The following PTGER4 variants were observed in gnomAD, a reference collection of about 807,000 sequenced individuals.
PTGER4 encodes the protein prostaglandin E receptor 4.
PTGER4 carries 11 observed loss-of-function variants against 33.2 expected under a neutral mutation model. The observed-to-expected ratio is 0.33, with a 90% confidence interval of 0.21 to 0.55. PTGER4 has a LOEUF of 0.55. Among genes scored for constraint, PTGER4 ranks in the 20% least tolerant of loss-of-function variants. The probability of loss-of-function intolerance (pLI) is 0.92; values close to 1 mark genes in which losing one functional copy is unlikely to be tolerated. For missense variants in PTGER4, 481 were observed against 650.2 expected, an observed-to-expected ratio of 0.74 and a Z score of 2.83; for synonymous variants, 275 against 281.5, an observed-to-expected ratio of 0.98 and a Z score of 0.23.
chr5:40,745,851 TG>T, the PTGER4 span, among the ~76,000 whole-genome samples: 2 of 151,966 alleles, frequency 1.3e-5, no homozygotes, highest in Admixed American at 1.3e-4. Context: ...CCTCCCACCT[TG>T]GCCTCCCAAA....
chr5:40,743,415 AT>A, the PTGER4 span, among the ~76,000 whole-genome samples: 7 of 152,024 alleles, frequency 4.6e-5, no homozygotes, highest in South Asian at 2.1e-4. Flanking sequence ...GGGACTCAGT[AT>A]TTTTTTTAAT....
chr5:40,744,666 A>G, the PTGER4 span, among the ~76,000 whole-genome samples: 5 of 152,194 alleles, frequency 3.3e-5, no homozygotes, highest in African/African-American at 1.2e-4. Flanking sequence ...ACAAAGGCCT[A>G]TTAGGCTACT....
the PTGER4 span, chr5:40,728,596 A>G: frequency 1.1e-6 from 1 of 912,230 alleles, no homozygotes; most frequent in African/African-American, 1.7e-5. Flanking sequence ...CATTTCGGTG[A>G]TTTTTACCCC....
chr5:40,718,328 C>T, the PTGER4 span, among the ~76,000 whole-genome samples: 1 of 152,088 alleles, frequency 6.6e-6, no homozygotes, highest in African/African-American at 2.4e-5. Context: ...ATTGTTTGAA[C>T]CCCGGAGGCA....
the PTGER4 span, among the ~76,000 whole-genome samples, chr5:40,730,542 A>C: frequency 1.3e-5 from 2 of 152,118 alleles, no homozygotes; most frequent in Non-Finnish European, 2.9e-5. Context: ...CATCTCCAGA[A>C]CTTTTTCATC....
the PTGER4 span, among the ~76,000 whole-genome samples, chr5:40,742,903 G>C: frequency 6.6e-6 from 1 of 152,066 alleles, no homozygotes; most frequent in Non-Finnish European, 1.5e-5. Context: ...TTATAAAAAC[G>C]TTTTTAGCCA....
the PTGER4 span, among the ~76,000 whole-genome samples, chr5:40,729,699 T>G: frequency 6.6e-5 from 10 of 152,146 alleles, no homozygotes; most frequent in African/African-American, 2.2e-4. Context: ...TATTTTTTAT[T>G]TACTTATTTA....
the PTGER4 span, among the ~76,000 whole-genome samples, chr5:40,723,628 G>T: frequency 6.6e-6 from 1 of 152,244 alleles, no homozygotes; most frequent in African/African-American, 2.4e-5. Context: ...ACTGTGGGAG[G>T]CCATGGTGGG....
the PTGER4 span, among the ~76,000 whole-genome samples, chr5:40,738,576 AAAT>A: frequency 6.8e-6 from 1 of 146,450 alleles, no homozygotes; most frequent in African/African-American, 2.5e-5. Context: ...ATATAAAATA[AAAT>A]AAAATAAAAT....
At chr5:40,746,591 T>C in the PTGER4 span, among the ~76,000 whole-genome samples, 1 of 152,176 alleles carries the variant, frequency 6.6e-6, no homozygotes, top group South Asian at 2.1e-4. Context: ...AAAACTATTT[T>C]ACAAACTTTC....
the PTGER4 span, among the ~76,000 whole-genome samples, chr5:40,720,704 A>T: frequency 6.6e-6 from 1 of 152,106 alleles, no homozygotes; most frequent in African/African-American, 2.4e-5. Context: ...AAATCCAGAA[A>T]CTAACTGAAA....
chr5:40,685,409 T>G (rs187710019), intron 2 of PTGER4: 1 of 985,220 alleles, frequency 1.0e-6, no homozygotes, highest in East Asian at 1.1e-4. Flanking sequence ...GGAAGTGGAG[T>G]CATAAAACAA....
intron 2 of PTGER4, among the ~76,000 whole-genome samples, chr5:40,684,898 A>G (rs902402988): frequency 2.6e-5 from 4 of 152,194 alleles, no homozygotes; most frequent in African/African-American, 7.2e-5. Flanking sequence ...GAGAGTCTAC[A>G]TTTAAGATAA....
At chr5:40,743,320 T>G in the PTGER4 span, among the ~76,000 whole-genome samples, 2 of 152,140 alleles carry the variant, frequency 1.3e-5, no homozygotes, top group East Asian at 3.8e-4. Context: ...GTATAATAAC[T>G]ATGTTCAAAA....
the PTGER4 span, among the ~76,000 whole-genome samples, chr5:40,726,848 TATATG>T: frequency 3.7e-4 from 56 of 152,244 alleles, no homozygotes; most frequent in Non-Finnish European, 5.9e-5. Flanking sequence ...GAAAAAGTAT[TATATG>T]ATAGGGTTTT....
chr5:40,681,675 C>T lies in PTGER4; in HGVS notation c.682C>T (p.His228Tyr). The change falls in exon 2 of 3, where the codon CAC (histidine) becomes TAC (tyrosine). Residue 228 changes from histidine to tyrosine, a missense_variant. Around this residue, in one of 7 missense-constraint regions of PTGER4, gnomAD observed 174 missense variants for 210.5 expected, o/e 0.83. Coordinates refer to ENST00000302472, the MANE Select transcript of PTGER4 (RefSeq NM_000958.3). This position sits in a 1 kb window ranked among gnomAD's most constrained non-coding sequence, Gnocchi z 9.8. ...MRRTSLGTEQ[H>Y]HAAAAASVAS... ...CCGCACCTCGCTGGGCACCGAGCAG[C>T]ACCACGCGGCCGCGGCCGCCTCGGT... 1 of 1,578,596 alleles carries T rather than the reference C, an allele frequency of 6.3e-7. No homozygotes were observed. Among genetic ancestry groups the T allele is most frequent in the East Asian group, 2.3e-5 (1 of 43,142 alleles).
the PTGER4 span, among the ~76,000 whole-genome samples, chr5:40,704,807 G>A: frequency 6.6e-6 from 1 of 152,114 alleles, no homozygotes; most frequent in Non-Finnish European, 1.5e-5. Context: ...ACAAAACACT[G>A]CTCAAAGAAA....
chr5:40,696,555 C>A, downstream of PTGER4: 1 of 592,912 alleles, frequency 1.7e-6, no homozygotes, highest in Middle Eastern at 8.5e-4. Context: ...CTGGAAGTAC[C>A]TTGGCAGAAA....
chr5:40,739,718 G>A, the PTGER4 span, among the ~76,000 whole-genome samples: 13 of 152,280 alleles, frequency 8.5e-5, no homozygotes, highest in Non-Finnish European at 1.3e-4. Flanking sequence ...AGAACCGTGA[G>A]CCAATTAAAC....
Sources: gnomAD v4.1 joint callset for allele counts (sites outside exome capture counted in the v4.1 genomes callset) on GRCh38, gnomAD v4.1.1 for gene constraint, gnomAD v4.1.1 regional missense constraint, Gnocchi (gnomAD v3.1) non-coding constraint, MANE v1.5 for transcripts, NCBI Gene and HGNC (gene_info 2026-07-23, HGNC 2026-07-21) for gene names.